HLCS: variants seen among roughly 807,000 people sequenced by gnomAD.
The protein encoded by HLCS is biotin--protein ligase.
In HLCS, 53 loss-of-function variants were observed where a neutral mutation model predicts 75.0. That is an observed-to-expected ratio of 0.71 (90% CI 0.57 to 0.89). The LOEUF is 0.89. Among genes scored for constraint, HLCS ranks in the 40% least tolerant of loss-of-function variants. HLCS has a pLI of 0.00. For missense variants in HLCS, 966 were observed against 1,074.0 expected (o/e 0.90, Z 1.41); for synonymous variants, 431 against 428.6 (o/e 1.01, Z -0.07).
chr21:36,955,133 C>T (rs2146624922), intron 2 of HLCS, among the ~76,000 whole-genome samples: 1 of 152,294 alleles, frequency 6.6e-6, no homozygotes, highest in African/African-American at 2.4e-5. Flanking sequence ...TGGGGGAAGG[C>T]ATTGTTATCA....
chr21:36,940,904 G>C (rs960574967), intron 2 of HLCS, among the ~76,000 whole-genome samples: 1 of 152,196 alleles, frequency 6.6e-6, no homozygotes, highest in African/African-American at 2.4e-5. Context: ...GAGTTCTCAT[G>C]AGATCTGATA....
chr21:36,975,370 G>A (rs2068908080), intron 1 of HLCS, among the ~76,000 whole-genome samples: 1 of 152,008 alleles, frequency 6.6e-6, no homozygotes, highest in South Asian at 2.1e-4. Flanking sequence ...GCCCTCACCA[G>A]AACAGGCACT....
Position 36,962,182 on chromosome 21 carries a change from G to T in HLCS, c.196-12C>A. 2 of 1,278,030 alleles carry T rather than the reference G, an allele frequency of 1.6e-6. No homozygotes were observed. The highest frequency in any genetic ancestry group is 2.0e-6 in the Non-Finnish European group (2 of 981,906). The allele number at this position is 1,278,030 out of a possible 1,614,324, so 79.2% of individuals were successfully genotyped here. ...AAGTCTTCAATGGACTGTATAGAGG[G>T]AAAGAAATATAATGAGATTGTCACT... On this transcript the variant is annotated splice_polypyrimidine_tract_variant and intron_variant, in intron 1 of 10. Transcript: ENST00000674895.
chr21:36,755,942 C>T (rs2089551892), intron 10 of HLCS, among the ~76,000 whole-genome samples: 1 of 152,190 alleles, frequency 6.6e-6, no homozygotes, highest in Non-Finnish European at 1.5e-5. Flanking sequence ...TCTATTGTTT[C>T]CTCACAATTA....
rs1223854875 is a variant in HLCS at position 36,750,143 on chromosome 21, G to A, written c.*4103C>T. 3.3e-5 allele frequency among the ~76,000 whole-genome samples: 5 copies of A among 152,202 alleles called. No homozygotes were observed. In the East Asian group the frequency reaches 9.6e-4, roughly 29 times the overall value. ...CTTGAAGAGTCTGCACATTTAAGCT[G>A]GGGATAGCGTTTCTTGACTTCTGTG... On this transcript the variant is annotated 3_prime_UTR_variant, in exon 11 of 11. Transcript: ENST00000674895.
At chr21:36,959,896 C>T (rs949489054) in intron 2 of HLCS, among the ~76,000 whole-genome samples, 5 of 152,182 alleles carry the variant, frequency 3.3e-5, no homozygotes, top group African/African-American at 1.2e-4. Flanking sequence ...AACATGTCCC[C>T]GTACTCACTA....
intron 2 of HLCS, among the ~76,000 whole-genome samples, chr21:36,951,481 C>A (rs1226542286): frequency 6.6e-6 from 1 of 152,120 alleles, no homozygotes; most frequent in Non-Finnish European, 1.5e-5. Context: ...CTAAGTAGGT[C>A]CCCCCCATAA....
At chr21:36,948,104 G>T in intron 2 of HLCS, 1 of 342,518 alleles carries the variant, frequency 2.9e-6, no homozygotes, top group Non-Finnish European at 4.1e-6. Context: ...AGCCTGGATG[G>T]CATGGTGAAA....
chr21:36,796,923 G>A (rs1336877679), intron 6 of HLCS, among the ~76,000 whole-genome samples: 1 of 151,488 alleles, frequency 6.6e-6, no homozygotes, highest in Non-Finnish European at 1.5e-5. Context: ...CTAGAGTACA[G>A]TGGAGTGATC....
chr21:36,884,352 T>C (rs2064358381), intron 6 of HLCS, among the ~76,000 whole-genome samples: 2 of 152,238 alleles, frequency 1.3e-5, no homozygotes, highest in Admixed American at 6.5e-5. Context: ...TGAGATGTCA[T>C]GGAATTTGCC....
intron 1 of HLCS, among the ~76,000 whole-genome samples, chr21:36,976,476 C>G (rs745418314): frequency 6.6e-6 from 1 of 151,992 alleles, no homozygotes; most frequent in South Asian, 2.1e-4. Context: ...CCCAGCTACT[C>G]GGGAGGCTGA....
chr21:36,983,418 C>A (rs1467976481), intron 1 of HLCS, among the ~76,000 whole-genome samples: 1 of 151,776 alleles, frequency 6.6e-6, no homozygotes, highest in African/African-American at 2.4e-5. Flanking sequence ...ACTATGTTGG[C>A]CAGGCTGGTC....
At chr21:36,848,427 G>A (rs1032527911) in intron 6 of HLCS, among the ~76,000 whole-genome samples, 1 of 151,728 alleles carries the variant, frequency 6.6e-6, no homozygotes, top group South Asian at 2.1e-4. Context: ...GCCCCACCAC[G>A]CCCAGCTAAT....
chr21:36,826,947 G>A (rs559636477), intron 6 of HLCS, among the ~76,000 whole-genome samples: 4 of 152,278 alleles, frequency 2.6e-5, no homozygotes, highest in African/African-American at 9.6e-5. Context: ...GTCTGAGCCT[G>A]ATTATAGGCA....
intron 6 of HLCS, among the ~76,000 whole-genome samples, chr21:36,798,011 T>C (rs1267388784): frequency 2.0e-5 from 3 of 151,902 alleles, no homozygotes; most frequent in Non-Finnish European, 4.4e-5. Flanking sequence ...CTAAGGATGG[T>C]GGGGAGAAGC....
chr21:36,779,636 G>C (rs988116610), intron 6 of HLCS, among the ~76,000 whole-genome samples: 12 of 151,940 alleles, frequency 7.9e-5, no homozygotes, highest in Non-Finnish European at 1.8e-4. Context: ...TTCAATATTT[G>C]TTTACAGTTT....
rs1568947710 is a variant in HLCS, at chr21:36,750,122, AAG to A, written c.*4122_*4123del. Among the ~76,000 whole-genome samples the A allele has an allele frequency of 1.3e-5, 2 of 152,234 alleles. No individual in the cohort carries two copies. The highest frequency in any genetic ancestry group is 4.8e-5 in the African/African-American group (2 of 41,460). ...ACCTAATATTGTGACCTCCATCTTGAAGAGTCTGCACATTTAAGCTGGGGATA... is the reference window on the plus strand; with the variant it reads ...ACCTAATATTGTGACCTCCATCTTGAAGTCTGCACATTTAAGCTGGGGATA... On this transcript the variant is annotated 3_prime_UTR_variant, in exon 11 of 11. Transcript: ENST00000674895.
At chr21:36,881,115 G>A (rs911672661) in intron 6 of HLCS, among the ~76,000 whole-genome samples, 7 of 151,994 alleles carry the variant, frequency 4.6e-5, no homozygotes, top group African/African-American at 1.4e-4. Context: ...GACTACAGGT[G>A]TGCACCACCA....
At chr21:36,911,769 A>C (rs1334437913) in intron 5 of HLCS, among the ~76,000 whole-genome samples, 3 of 150,522 alleles carry the variant, frequency 2.0e-5, no homozygotes, top group African/African-American at 7.3e-5. Context: ...AAAAAAAAAA[A>C]AAACATTAAA....
Sources: gnomAD v4.1 joint callset for allele counts (sites outside exome capture counted in the v4.1 genomes callset) on GRCh38, gnomAD v4.1.1 for gene constraint, MANE v1.5 for transcripts, NCBI Gene and HGNC (gene_info 2026-07-23, HGNC 2026-07-21) for gene names.